RYR3: variants seen among roughly 807,000 people sequenced by gnomAD.
The protein encoded by RYR3 is brain ryanodine receptor-calcium release channel.
In RYR3, 207 loss-of-function variants were observed where a neutral mutation model predicts 584.3. The ratio of observed to expected loss-of-function variants is 0.35; its 90% CI spans 0.32 to 0.40. RYR3 has a LOEUF of 0.40. RYR3 is among the 10% of genes least tolerant of loss of function. RYR3 has a pLI of 1.00. For missense variants in RYR3, 5,616 were observed against 6,089.2 expected, an observed-to-expected ratio of 0.92 and a Z score of 2.59; for synonymous variants, 2,416 against 2,248.5, an observed-to-expected ratio of 1.07 and a Z score of -2.11.
intron 25 of RYR3, 36 bp from the exon 26 acceptor site, chr15:33,635,578 T>G: frequency 6.5e-7 from 1 of 1,550,146 alleles, no homozygotes. Context: ...TCTCTTTCCC[T>G]TCCACACCCT....
intron 1 of RYR3, among the ~76,000 whole-genome samples, chr15:33,415,540 T>C (rs553665980): frequency 7.9e-5 from 12 of 151,288 alleles, no homozygotes; most frequent in African/African-American, 1.2e-4. Flanking sequence ...ATGTAAGGGC[T>C]GTAATAGAGA....
rs2058308973 is a variant in RYR3, at chr15:33,576,487, C to A, written c.1269-3489C>A. Among the ~76,000 whole-genome samples, 3 of 152,298 alleles carry A rather than the reference C, an allele frequency of 2.0e-5. No individual in the cohort carries two copies. In the South Asian group the frequency reaches 6.2e-4, roughly 32 times the overall value. On this transcript the variant is annotated intron_variant, in intron 12 of 103. Transcript: ENST00000634891. ...CATATGCAAATCAATAAACACAATT[C>A]TTCACATAAACAGAACTAAAGACAA...
chr15:33,753,760 C>G (rs1567097709), intron 57 of RYR3, among the ~76,000 whole-genome samples: 2 of 152,138 alleles, frequency 1.3e-5, no homozygotes, highest in Admixed American at 6.5e-5. Flanking sequence ...GAGATAGCCT[C>G]CGGGGAAGCA....
chr15:33,812,933 A>G lies in RYR3; in HGVS notation c.10328A>G (p.Asn3443Ser). 6.2e-7 allele frequency: 1 copy of G among 1,613,924 alleles called. No homozygotes were observed. The highest frequency in any genetic ancestry group is 8.5e-7 in the Non-Finnish European group (1 of 1,179,838). Residue 3443 changes from asparagine (N) to serine (S), a missense_variant, in exon 73 of 104, where the codon AAT becomes AGT. Asn to Ser is a conservative substitution (Grantham distance 46, BLOSUM62 1). This residue lies in a region of RYR3 where 954 missense variants were observed against 1,132.2 expected (regional missense o/e 0.84). Transcript: ENST00000634891. ...GTTCTGAAGAGTGAAGAACCTTTCAATCCGGAAAAGACAGTGGAGCGTGTG... is the reference window on the plus strand; with the variant it reads ...GTTCTGAAGAGTGAAGAACCTTTCAGTCCGGAAAAGACAGTGGAGCGTGTG... ...KDVLKSEEPF[N>S]PEKTVERVQR...
At chr15:33,767,627 G>A (rs1256006741) in intron 60 of RYR3, among the ~76,000 whole-genome samples, 1 of 152,204 alleles carries the variant, frequency 6.6e-6, no homozygotes, top group African/African-American at 2.4e-5. Context: ...GCCCTGAATG[G>A]GGTAAGGAGC....
intron 2 of RYR3, among the ~76,000 whole-genome samples, chr15:33,483,347 A>G (rs1029257472): frequency 3.9e-5 from 6 of 152,066 alleles, no homozygotes; most frequent in African/African-American, 7.2e-5. Flanking sequence ...ACATTTTCCT[A>G]TTTCCTTTAA....
At chr15:33,383,809 A>C (rs1230614821) in intron 1 of RYR3, among the ~76,000 whole-genome samples, 1 of 152,190 alleles carries the variant, frequency 6.6e-6, no homozygotes, top group African/African-American at 2.4e-5. Flanking sequence ...AGATACATAC[A>C]GTCGTATGTT....
chr15:33,745,472 T>A (rs1008497698), intron 52 of RYR3, among the ~76,000 whole-genome samples: 1 of 151,350 alleles, frequency 6.6e-6, no homozygotes, highest in African/African-American at 2.4e-5. Flanking sequence ...CAGCCAGGAG[T>A]CTTGGGGATG....
chr15:33,550,177 T>C lies in RYR3; in HGVS notation c.833T>C (p.Ile278Thr). The C allele has an allele frequency of 1.2e-6, 2 of 1,613,246 alleles. No homozygotes were observed. Among genetic ancestry groups the C allele is most frequent in the Non-Finnish European group, 1.7e-6 (2 of 1,179,686 alleles). ...CTGCCCAGCTGGAGTGGCAGTAACA[T>C]CAGATGGGGCCAGGCTTTCCGACTC... is the stretch of plus-strand genomic sequence containing the variant. ...PLRISWSGSN[I>T]RWGQAFRLRH... Residue 278 changes from isoleucine (I) to threonine (T), a missense_variant, in exon 10 of 104, where the codon ATC becomes ACC. Physicochemically the swap from Ile to Thr is moderately conservative, Grantham distance 89 (BLOSUM62 -1). Around this residue, in one of 9 missense-constraint regions of RYR3, gnomAD observed 1,284 missense variants for 1,344.6 expected, o/e 0.95. Coordinates refer to ENST00000634891, the MANE Select transcript of RYR3 (RefSeq NM_001036.6).
chr15:33,336,539 AGGGAAGGAGGG>A (rs1971102967), intron 1 of RYR3, among the ~76,000 whole-genome samples: 1 of 64,966 alleles, frequency 1.5e-5, no homozygotes, highest in Non-Finnish European at 3.4e-5. Flanking sequence ...GGAGGGAAGG[AGGGAAGGAGGG>A]AAGGAAGGAA....
intron 40 of RYR3, among the ~76,000 whole-genome samples, chr15:33,699,316 A>G (rs1190234983): frequency 9.8e-6 from 1 of 102,148 alleles, no homozygotes; most frequent in East Asian, 3.3e-4. Context: ...CTCTTTCCTC[A>G]CTTTCTCTCC....
chr15:33,548,039 G>A (rs898601414), intron 8 of RYR3, 91 bp from the exon 9 acceptor site: 1 of 863,236 alleles, frequency 1.2e-6, no homozygotes, highest in Non-Finnish European at 1.9e-6. Flanking sequence ...GACAAGCTCA[G>A]TACCTGAACA....
intron 60 of RYR3, among the ~76,000 whole-genome samples, chr15:33,764,856 C>A (rs1423023911): frequency 6.6e-6 from 1 of 151,876 alleles, no homozygotes; most frequent in African/African-American, 2.4e-5. Flanking sequence ...CATGGTGAAA[C>A]CCCATCTCTA....
rs754616745 is a variant in RYR3, at chr15:33,728,945, C to T, written c.7122C>T (p.Gly2374=). Residue 2374 remains glycine, a synonymous_variant, in exon 47 of 104, where the codon GGC becomes GGT. Transcript: ENST00000634891. ...TGCTGTTCTTGGACCGCGTTTATGG[C>T]ATTAAGGATCAAACTTTTCTGCTCC... ...PMVLFLDRVY[G]IKDQTFLLHL... is the part of the protein sequence containing the mutation. 6.2e-7 allele frequency: 1 copy of T among 1,613,884 alleles called. No homozygotes were observed. Among genetic ancestry groups the T allele is most frequent in the Non-Finnish European group, 8.5e-7 (1 of 1,179,838 alleles).
At chr15:33,802,298 A>G (rs2075960214) in intron 69 of RYR3, among the ~76,000 whole-genome samples, 1 of 152,252 alleles carries the variant, frequency 6.6e-6, no homozygotes, top group African/African-American at 2.4e-5. Flanking sequence ...AGCAATACAC[A>G]TGCCTAGAAC....
At chr15:33,735,804 A>G (rs1026634714) in intron 48 of RYR3, among the ~76,000 whole-genome samples, 2 of 152,176 alleles carry the variant, frequency 1.3e-5, no homozygotes, top group Non-Finnish European at 2.9e-5. Flanking sequence ...AGGGCTTTAA[A>G]GTTCTCTTCA....
Position 33,756,321 on chromosome 15 carries a change from G to A in RYR3, c.8531G>A (p.Ser2844Asn), listed in dbSNP as rs758525574. 2 of 1,579,874 alleles carry A rather than the reference G, an allele frequency of 1.3e-6. No homozygotes were observed. The highest frequency in any genetic ancestry group is 1.7e-6 in the Non-Finnish European group (2 of 1,161,978). The change falls in exon 59 of 104, where the codon AGT becomes AAT. Residue 2844 changes from serine (S) to asparagine (N), a missense_variant. Physicochemically the swap from Ser to Asn is conservative, Grantham distance 46. Coordinates refer to ENST00000634891, the MANE Select transcript of RYR3 (RefSeq NM_001036.6). ...FIAHLEAIVS[S>N]GKTEKSPRDQ... ...GTCTTCGTAGAAGCCATTGTCAGCAGTGGGAAAACTGAAAAGTCTCCCCGT... is the reference window on the plus strand; with the variant it reads ...GTCTTCGTAGAAGCCATTGTCAGCAATGGGAAAACTGAAAAGTCTCCCCGT...
chr15:33,788,153 A>G (rs767198691), intron 66 of RYR3, 65 bp from the exon 67 acceptor site: 14 of 1,601,190 alleles, frequency 8.7e-6, no homozygotes, highest in Non-Finnish European at 1.2e-5. Context: ...CCTTTCAGTC[A>G]TGTCTTTCAT....
chr15:33,505,141 A>G (rs7163156), intron 3 of RYR3, among the ~76,000 whole-genome samples: 80,775 of 152,086 alleles, frequency 0.53, 22,991 homozygotes, highest in African/African-American at 0.73. Flanking sequence ...CTCATTTGTA[A>G]TAGAAGAGAC....
Sources: gnomAD v4.1 joint callset for allele counts (sites outside exome capture counted in the v4.1 genomes callset) on GRCh38, gnomAD v4.1.1 for gene constraint, gnomAD v4.1.1 regional missense constraint, MANE v1.5 for transcripts, NCBI Gene and HGNC (gene_info 2026-07-23, HGNC 2026-07-21) for gene names.